Variants in ALDH1A1 observed in about 807,000 individuals in gnomAD.
ALDH1A1 encodes the protein aldehyde dehydrogenase 1 family member A1, also known as aldehyde dehydrogenase 1A1.
ALDH1A1 carries 19 observed loss-of-function variants against 62.1 expected under a neutral mutation model. The ratio of observed to expected loss-of-function variants is 0.31; its 90% CI spans 0.21 to 0.45. The LOEUF is 0.45. Among genes scored for constraint, ALDH1A1 ranks in the 20% least tolerant of loss-of-function variants. The pLI is 1.00. For missense variants in ALDH1A1, 521 were observed against 607.1 expected, an observed-to-expected ratio of 0.86 and a Z score of 1.49; for synonymous variants, 231 against 215.9, an observed-to-expected ratio of 1.07 and a Z score of -0.61.
chr9:72,915,765 C>T (rs1830054248), intron 9 of ALDH1A1, among the ~76,000 whole-genome samples: 1 of 152,170 alleles, frequency 6.6e-6, no homozygotes, highest in Non-Finnish European at 1.5e-5. Flanking sequence ...GGACTGTAAA[C>T]TCCATGAGGT....
intron 11 of ALDH1A1, among the ~76,000 whole-genome samples, chr9:72,908,880 T>C (rs577252899): frequency 1.7e-4 from 26 of 152,254 alleles, no homozygotes; most frequent in African/African-American, 5.5e-4. Flanking sequence ...GAGGGTATCT[T>C]CAAAATTCAA....
intron 8 of ALDH1A1, among the ~76,000 whole-genome samples, chr9:72,918,309 A>G (rs942315868): frequency 6.6e-6 from 1 of 152,214 alleles, no homozygotes; most frequent in African/African-American, 2.4e-5. Context: ...TATGACCCAG[A>G]GTGAAGGGAG....
intron 1 of ALDH1A1, among the ~76,000 whole-genome samples, chr9:72,949,546 ACCT>A (rs1830513194): frequency 6.6e-6 from 1 of 151,672 alleles, no homozygotes; most frequent in Non-Finnish European, 1.5e-5. Flanking sequence ...AGGAATAGTA[ACCT>A]CCTCATAGGG....
At chr9:72,934,603 C>T (rs527798858) in intron 2 of ALDH1A1, among the ~76,000 whole-genome samples, 2 of 152,150 alleles carry the variant, frequency 1.3e-5, no homozygotes, top group South Asian at 4.1e-4. Context: ...AATATTATAC[C>T]AGTATACTCC....
intron 1 of ALDH1A1, among the ~76,000 whole-genome samples, chr9:72,943,163 A>G (rs944324265): frequency 2.6e-5 from 4 of 152,106 alleles, no homozygotes; most frequent in Non-Finnish European, 5.9e-5. Flanking sequence ...CCAGAATTTC[A>G]CCCTTCTACA....
rs1014759888 is a variant in ALDH1A1 at position 72,911,883 on chromosome 9, A to C, written c.1200+75T>G. The C allele has an allele frequency of 2.0e-6, 3 of 1,530,370 alleles. No individual in the cohort carries two copies. In the African/African-American group the frequency reaches 4.1e-5, roughly 21 times the overall value. The allele number at this position is 1,530,370 out of a possible 1,614,324, so 94.8% of individuals were successfully genotyped here. A position where few individuals can be genotyped will look rare whatever the true frequency, so the allele number is the denominator to read the frequency against. On this transcript the variant is annotated intron_variant, in intron 10 of 12. Coordinates refer to ENST00000297785, the MANE Select transcript of ALDH1A1 (RefSeq NM_000689.5). ...GATGTTCCAAAGAGCTGGGAATTTT[A>C]AAGTGACACTTTGTATACACACAAA...
At chr9:72,921,347 A>G (rs1371017032) in intron 7 of ALDH1A1, among the ~76,000 whole-genome samples, 1 of 151,976 alleles carries the variant, frequency 6.6e-6, no homozygotes, top group East Asian at 1.9e-4. Flanking sequence ...TGCCTCTTTC[A>G]TGACATTTAT....
chr9:72,945,949 C>T (rs1830468556), intron 1 of ALDH1A1, among the ~76,000 whole-genome samples: 1 of 151,950 alleles, frequency 6.6e-6, no homozygotes, highest in African/African-American at 2.4e-5. Flanking sequence ...GATAGTCTGA[C>T]TTTAGTAACG....
chr9:72,937,444 G>T (rs1325327621), intron 2 of ALDH1A1, among the ~76,000 whole-genome samples: 3 of 152,056 alleles, frequency 2.0e-5, no homozygotes, highest in African/African-American at 7.2e-5. Flanking sequence ...TATAAAACCC[G>T]GGCATGACTG....
Position 72,900,900 on chromosome 9 carries a change from A to C in ALDH1A1, c.*308T>G, listed in dbSNP as rs1564617779. On this transcript the variant is annotated 3_prime_UTR_variant, in exon 13 of 13. Transcript: ENST00000297785. ...AATGCAACTGTTCCTTTTCTATAAA[A>C]TTATTATCCTGCAAAAGTAGCTACA... is the stretch of plus-strand genomic sequence containing the variant. The C allele has an allele frequency of 9.5e-6, 2 of 210,476 alleles. No homozygotes were observed. The highest frequency in any genetic ancestry group is 1.9e-5 in the Non-Finnish European group (2 of 104,298). The allele number at this position is 210,476 out of a possible 1,614,324, so 13.0% of individuals were successfully genotyped here. A position where few individuals can be genotyped will look rare whatever the true frequency, so the allele number is the denominator to read the frequency against.
Position 72,909,650 on chromosome 9 carries a change from A to T in ALDH1A1, c.1310T>A (p.Ile437Asn), listed in dbSNP as rs200885470. 1 of 1,614,020 alleles carries T rather than the reference A, an allele frequency of 6.2e-7. No homozygotes were observed. The highest frequency in any genetic ancestry group is 8.5e-7 in the Non-Finnish European group (1 of 1,179,950). Residue 437 changes from isoleucine to asparagine, a missense_variant, in exon 11 of 13, where the codon ATT (isoleucine) becomes AAT (asparagine). Physicochemically the swap from Ile to Asn is moderately radical, Grantham distance 149. Transcript: ENST00000297785. The stretch of plus-strand genomic sequence containing the variant: ...AGAGGAGATTGTTATGGCTTTATCA[A>T]TGTCTTTGGTAAACACTCCTGCTGA... ...GLSAGVFTKD[I>N]DKAITISSAL...
chr9:72,943,261 C>T (rs181163611), intron 1 of ALDH1A1, among the ~76,000 whole-genome samples: 144 of 152,162 alleles, frequency 9.5e-4, no homozygotes, highest in Non-Finnish European at 1.5e-3. Context: ...AGTTCTCGCC[C>T]GAGTCCTCTT....
chr9:72,914,709 CCA>C (rs1330874915), intron 9 of ALDH1A1, among the ~76,000 whole-genome samples: 1 of 141,492 alleles, frequency 7.1e-6, no homozygotes, highest in African/African-American at 2.6e-5. Flanking sequence ...ACACATGAAT[CCA>C]CAGATATAAT....
At chr9:72,942,055 C>A (rs769951154) in intron 1 of ALDH1A1, among the ~76,000 whole-genome samples, 2 of 152,054 alleles carry the variant, frequency 1.3e-5, no homozygotes, top group African/African-American at 2.4e-5. Context: ...AGATGAAGAC[C>A]ATAAAATTCA....
At chr9:72,951,775 C>T (rs879374973) in intron 1 of ALDH1A1, among the ~76,000 whole-genome samples, 1 of 151,920 alleles carries the variant, frequency 6.6e-6, no homozygotes, top group Non-Finnish European at 1.5e-5. Flanking sequence ...AATCTTTCCT[C>T]TTTAACAAAA....
intron 5 of ALDH1A1, 125 bp from the exon 6 acceptor site, chr9:72,925,737 G>A: frequency 9.1e-7 from 1 of 1,101,274 alleles, no homozygotes; most frequent in Non-Finnish European, 1.3e-6. Flanking sequence ...GAAATCATCT[G>A]GCATATTATA....
chr9:72,927,949 T>C (rs1015929500), intron 4 of ALDH1A1, among the ~76,000 whole-genome samples: 3 of 151,398 alleles, frequency 2.0e-5, no homozygotes, highest in Non-Finnish European at 4.4e-5. Flanking sequence ...TCTGTTCTAG[T>C]TCCCACAGAA....
intron 1 of ALDH1A1, among the ~76,000 whole-genome samples, chr9:72,945,843 A>C (rs1830467770): frequency 6.6e-6 from 1 of 152,014 alleles, no homozygotes; most frequent in South Asian, 2.1e-4. Context: ...AGGGAAAGAA[A>C]ATTTTTAACT....
chr9:72,936,499 C>T (rs1367873372), intron 2 of ALDH1A1, among the ~76,000 whole-genome samples: 1 of 152,110 alleles, frequency 6.6e-6, no homozygotes, highest in East Asian at 1.9e-4. Flanking sequence ...CTGTCCTTGC[C>T]CTTTATTGCT....
Sources: gnomAD v4.1 joint callset for allele counts (sites outside exome capture counted in the v4.1 genomes callset) on GRCh38, gnomAD v4.1.1 for gene constraint, MANE v1.5 for transcripts, NCBI Gene and HGNC (gene_info 2026-07-23, HGNC 2026-07-21) for gene names.